The following SPG7 variants were observed in gnomAD, a reference collection of about 807,000 sequenced individuals.
The protein encoded by SPG7 is SPG7 matrix AAA peptidase subunit, paraplegin, also known as mitochondrial inner membrane m-AAA protease component paraplegin.
Under a neutral mutation model 81.9 loss-of-function variants are expected in SPG7, and 103 were observed. That is an observed-to-expected ratio of 1.26 (90% CI 1.07 to 1.48). The LOEUF (loss-of-function observed/expected upper bound fraction) is 1.48, where lower values mean the gene tolerates loss of function less well. Ranked by LOEUF, SPG7 falls within the 40% of genes most tolerant of loss-of-function variation. The pLI, the probability that SPG7 is intolerant of heterozygous loss-of-function variation, is 0.00. For missense variants in SPG7, 1,241 were observed against 1,087.3 expected (o/e 1.14, Z -1.99); for synonymous variants, 534 against 444.2 (o/e 1.20, Z -2.54).
intron 9 of SPG7, chr16:89,540,590 A>G (rs2058481746): frequency 6.5e-6 from 1 of 152,748 alleles, no homozygotes; most frequent in Admixed American, 6.5e-5. Context: ...CATCTCAAAA[A>G]CAAAACAAAA....
At chr16:89,508,681 C>T in intron 1 of SPG7, 81 bp downstream of exon 1, 3 of 1,310,644 alleles carry the variant, frequency 2.3e-6, no homozygotes, top group African/African-American at 1.5e-5. Flanking sequence ...GGGTCGGAGG[C>T]CGCCTGGCCC....
intron 3 of SPG7, 187 bp from the exon 4 acceptor site, chr16:89,523,819 C>G: frequency 1.3e-6 from 1 of 797,744 alleles, no homozygotes; most frequent in East Asian, 2.7e-5. Flanking sequence ...GTGTGGGTGA[C>G]CTCGAACAGC....
chr16:89,518,460 G>C (rs2058133717), intron 3 of SPG7: 1 of 152,056 alleles, frequency 6.6e-6, no homozygotes, highest in South Asian at 2.1e-4. Flanking sequence ...CTGATAACGC[G>C]GGTGAACCTG....
chr16:89,530,207 C>T (rs533440469), intron 6 of SPG7: 131 of 304,016 alleles, frequency 4.3e-4, no homozygotes, highest in Non-Finnish European at 7.3e-4. Context: ...TGCAGTGGTG[C>T]GATCTCAGCT....
At chr16:89,508,755 G>A (rs1455715648) in intron 1 of SPG7, 155 bp downstream of exon 1, 1 of 864,766 alleles carries the variant, frequency 1.2e-6, no homozygotes, top group East Asian at 2.7e-5. Context: ...TCGGCGCGGA[G>A]CGACTGTTGG....
intron 9 of SPG7, among the ~76,000 whole-genome samples, chr16:89,534,742 C>G (rs2058389502): frequency 1.3e-5 from 2 of 152,232 alleles, no homozygotes; most frequent in Non-Finnish European, 2.9e-5. Flanking sequence ...TTCTTTGATG[C>G]CTTCCTGCAA....
At chr16:89,526,067 A>G (rs2058255946) in intron 4 of SPG7, among the ~76,000 whole-genome samples, 1 of 152,206 alleles carries the variant, frequency 6.6e-6, no homozygotes, top group Admixed American at 6.5e-5. Flanking sequence ...GGATATTTTC[A>G]GCTTCCCAGG....
chr16:89,547,825 C>T, intron 11 of SPG7, 178 bp from the exon 12 acceptor site: 1 of 635,450 alleles, frequency 1.6e-6, no homozygotes, highest in South Asian at 1.6e-5. Flanking sequence ...GTTGGCCAGG[C>T]TGGTCTCAAA....
At chr16:89,554,106 AGTTCCCACCT>A (rs2058664533) in intron 15 of SPG7, 146 bp downstream of exon 15, 1 of 726,864 alleles carries the variant, frequency 1.4e-6, no homozygotes, top group Admixed American at 2.7e-5. Flanking sequence ...GCTCTGCTGT[AGTTCCCACCT>A]GTGGAGTATT....
intron 14 of SPG7, 80 bp from the exon 15 acceptor site, chr16:89,553,714 T>A: frequency 6.9e-7 from 1 of 1,443,264 alleles, no homozygotes; most frequent in Non-Finnish European, 9.7e-7. Flanking sequence ...GCCTCAGTGC[T>A]CTGACCGGGA....
chr16:89,508,935 C>T, intron 1 of SPG7: 1 of 528,956 alleles, frequency 1.9e-6, no homozygotes, highest in Non-Finnish European at 3.6e-6. Flanking sequence ...CACTAATTTA[C>T]AGTCCACGCC....
Position 89,548,019 on chromosome 16 carries a change from C to T in SPG7, c.1569C>T (p.Asn523=). 1 of 1,612,956 alleles carries T rather than the reference C, an allele frequency of 6.2e-7. No homozygotes were observed. Among genetic ancestry groups the T allele is most frequent in the East Asian group, 2.2e-5 (1 of 44,882 alleles). The change falls in exon 12 of 17, where the codon AAC becomes AAT. Residue 523 remains asparagine, a synonymous_variant. Coordinates refer to ENST00000645818, the MANE Select transcript of SPG7 (RefSeq NM_003119.4). ...TPGFSGADIA[N]ICNEAALHAA... ...TGTTGACAGGGGCTGACATCGCCAA[C>T]ATCTGCAATGAGGCTGCGCTGCACG... is the stretch of plus-strand genomic sequence containing the variant.
At chr16:89,545,837 T>C in intron 10 of SPG7, 1 of 413,718 alleles carries the variant, frequency 2.4e-6, no homozygotes, top group South Asian at 1.7e-5. Context: ...TATAATTTTT[T>C]CTTTTTTCTT....
Position 89,554,581 on chromosome 16 carries a change from C to A in SPG7, c.2181+18C>A, listed in dbSNP as rs758297987. Reference sequence around the variant, plus strand: ...TGCAGGCGGTGAGGCCCTGGCCAGGCGTGGGGGCTACGGCGTCACACAGTG... The same window carrying A: ...TGCAGGCGGTGAGGCCCTGGCCAGGAGTGGGGGCTACGGCGTCACACAGTG... On this transcript the variant is annotated intron_variant, in intron 16 of 16. Transcript: ENST00000645818. The A allele has an allele frequency of 6.3e-7, 1 of 1,584,282 alleles. No individual in the cohort carries two copies. Among genetic ancestry groups the A allele is most frequent in the East Asian group, 2.2e-5 (1 of 44,708 alleles).
rs1250684203 is a variant in SPG7 at position 89,552,746 on chromosome 16, T to C, written c.1780-233T>C. The C allele has an allele frequency of 7.1e-6, 4 of 562,708 alleles. No homozygotes were observed. The East Asian group carries it at 9.5e-5, about 13-fold the overall frequency. 34.9% of individuals were successfully genotyped at this position (562,708 alleles called of 1,614,324 possible). On this transcript the variant is annotated intron_variant, in intron 13 of 16. Coordinates refer to ENST00000645818, the MANE Select transcript of SPG7 (RefSeq NM_003119.4). ...TCTTGACTCCCTGCCTGTCTAGTCA[T>C]GTATGAGAAGACACTTCCCGGCAGT...
In SPG7 at chr16:89,557,408, G is replaced by A; in HGVS notation, c.*315G>A. On this transcript the variant is annotated 3_prime_UTR_variant, in exon 17 of 17. Coordinates refer to ENST00000645818, the MANE Select transcript of SPG7 (RefSeq NM_003119.4). Reference sequence around the variant, plus strand: ...TTCCCAGTGTGGCTGAGGCCACCCAGAGGCAGCAGAGCATTCAGACTCCAA... The same window carrying A: ...TTCCCAGTGTGGCTGAGGCCACCCAAAGGCAGCAGAGCATTCAGACTCCAA... 1 of 403,396 alleles carries A rather than the reference G, an allele frequency of 2.5e-6. No homozygotes were observed. Among genetic ancestry groups the A allele is most frequent in the Non-Finnish European group, 4.6e-6 (1 of 216,412 alleles). The allele number at this position is 403,396 out of a possible 1,614,324, so 25.0% of individuals were successfully genotyped here. A position where few individuals can be genotyped will look rare whatever the true frequency, so the allele number is the denominator to read the frequency against.
chr16:89,557,536 GTCCT>G lies in SPG7; in HGVS notation c.*444_*447del. The stretch of plus-strand genomic sequence containing the variant: ...CATGAAAGGACCCTGTGAGCCGATT[GTCCT>G]ATCTCCAGCGGCCCTGTCATCCAGC... On this transcript the variant is annotated 3_prime_UTR_variant, in exon 17 of 17. Transcript: ENST00000645818. 20 of 212,178 alleles carry G rather than the reference GTCCT, an allele frequency of 9.4e-5. No homozygotes were observed. Among genetic ancestry groups the G allele is most frequent in the South Asian group, 2.8e-4 (4 of 14,386 alleles). 13.1% of individuals were successfully genotyped at this position (212,178 alleles called of 1,614,324 possible).
chr16:89,554,411 C>T, intron 15 of SPG7, 75 bp from the exon 16 acceptor site: 1 of 995,898 alleles, frequency 1.0e-6, no homozygotes, highest in Non-Finnish European at 1.6e-6. Flanking sequence ...TCCCAGTCTG[C>T]CATTTCTTTT....
At chr16:89,548,863 T>C in intron 12 of SPG7, 2 of 442,520 alleles carry the variant, frequency 4.5e-6, no homozygotes, top group South Asian at 3.1e-5. Flanking sequence ...AAAAGGGAAG[T>C]GGTTCTTGCC....
Sources: allele counts gnomAD v4.1 joint callset (sites outside exome capture counted in the v4.1 genomes callset), GRCh38; gene constraint gnomAD v4.1.1; transcripts MANE v1.5; gene names NCBI Gene and HGNC (gene_info 2026-07-23, HGNC 2026-07-21).